The following CDH4 variants were observed in gnomAD, a reference collection of about 807,000 sequenced individuals.
CDH4 encodes cadherin-4.
A neutral mutation model predicts 86.0 loss-of-function variants in CDH4; 33 were observed. The observed-to-expected ratio is 0.38, with a 90% confidence interval of 0.29 to 0.51. CDH4 has a LOEUF of 0.51. CDH4 is among the 20% of genes least tolerant of loss of function. The pLI is 0.86. For synonymous variants in CDH4, 555 were observed against 549.4 expected, an observed-to-expected ratio of 1.01 and a Z score of -0.14; for missense variants, 1,114 against 1,307.4, an observed-to-expected ratio of 0.85 and a Z score of 2.28.
intron 2 of CDH4, among the ~76,000 whole-genome samples, chr20:61,542,604 T>C (rs1308766387): frequency 6.6e-6 from 1 of 152,202 alleles, no homozygotes; most frequent in Non-Finnish European, 1.5e-5. Context: ...TATTGGGGAA[T>C]TTTTTTAAGT....
At chr20:61,675,909 G>A (rs2145851213) in intron 2 of CDH4, among the ~76,000 whole-genome samples, 1 of 152,352 alleles carries the variant, frequency 6.6e-6, no homozygotes, top group East Asian at 1.9e-4. Flanking sequence ...CTTTCCAAAA[G>A]GCCCACCTGC....
At chr20:61,646,993 G>A (rs985902253) in intron 2 of CDH4, among the ~76,000 whole-genome samples, 3 of 152,228 alleles carry the variant, frequency 2.0e-5, no homozygotes, top group Middle Eastern at 3.2e-3. Flanking sequence ...GTGGGCTCTC[G>A]AGCGTTTGCC....
chr20:61,915,603 G>A (rs2054896407), intron 9 of CDH4, among the ~76,000 whole-genome samples: 1 of 152,230 alleles, frequency 6.6e-6, no homozygotes, highest in African/African-American at 2.4e-5. Flanking sequence ...GACACGCGAT[G>A]GGTCTCCAGT....
intron 2 of CDH4, among the ~76,000 whole-genome samples, chr20:61,469,709 T>C (rs2085491845): frequency 6.6e-6 from 1 of 152,260 alleles, no homozygotes; most frequent in Admixed American, 6.5e-5. Flanking sequence ...GATTTAAGTC[T>C]TTAATCTATT....
In CDH4 at chr20:61,894,944, C is replaced by T. The variant is rs2122870773; in HGVS notation, c.1085C>T (p.Thr362Ile). The T allele has an allele frequency of 6.2e-7, 1 of 1,613,894 alleles. No homozygotes were observed. The highest frequency in any genetic ancestry group is 8.5e-7 in the Non-Finnish European group (1 of 1,179,938). The change falls in exon 8 of 16, where the codon ACA (threonine) becomes ATA (isoleucine). Residue 362 changes from threonine (T) to isoleucine (I), a missense_variant. By Grantham distance (89) the Thr-to-Ile change is moderately conservative. Coordinates refer to ENST00000614565, the MANE Select transcript of CDH4 (RefSeq NM_001794.5). ...VQQYTVIVQA[T>I]DMEGNLNYGL... Reference sequence around the variant, plus strand: ...CAGTACACAGTCATCGTTCAGGCCACAGATATGGAAGGAAATCTCAACTAT... The same window carrying T: ...CAGTACACAGTCATCGTTCAGGCCATAGATATGGAAGGAAATCTCAACTAT...
Position 61,516,645 on chromosome 20 carries a change from C to T in CDH4, c.170-226918C>T, listed in dbSNP as rs1224237065. Reference sequence around the variant, plus strand: ...GCTGAGCTATTTTAAAGCAAAGTATCAGACCCTCAGAGAGGCCGGATTGAT... The same window carrying T: ...GCTGAGCTATTTTAAAGCAAAGTATTAGACCCTCAGAGAGGCCGGATTGAT... On this transcript the variant is annotated intron_variant, in intron 2 of 15. Transcript: ENST00000614565. This position sits in a 1 kb window ranked among gnomAD's most constrained non-coding sequence, Gnocchi z 4.0. Among the ~76,000 whole-genome samples, 1 of 152,204 alleles carries T rather than the reference C, an allele frequency of 6.6e-6. No individual in the cohort carries two copies. The highest frequency in any genetic ancestry group is 1.5e-5 in the Non-Finnish European group (1 of 68,036).
intron 2 of CDH4, among the ~76,000 whole-genome samples, chr20:61,615,691 G>A (rs1252723367): frequency 3.3e-5 from 5 of 152,152 alleles, no homozygotes; most frequent in Non-Finnish European, 7.3e-5. Flanking sequence ...GTTCCCAAGA[G>A]ACATTGTCAT....
intron 4 of CDH4, among the ~76,000 whole-genome samples, chr20:61,819,537 C>T (rs1156230892): frequency 6.6e-6 from 1 of 152,254 alleles, no homozygotes; most frequent in Non-Finnish European, 1.5e-5. Flanking sequence ...CGGGCTGCAG[C>T]CCAGCACCCG....
intron 6 of CDH4, among the ~76,000 whole-genome samples, chr20:61,857,126 T>G (rs1327168455): frequency 6.6e-6 from 1 of 152,198 alleles, no homozygotes; most frequent in Non-Finnish European, 1.5e-5. Flanking sequence ...GCCCTGCCCC[T>G]GCCCCCATAC....
chr20:61,468,014 A>G (rs975093976), intron 2 of CDH4, among the ~76,000 whole-genome samples: 2 of 152,208 alleles, frequency 1.3e-5, no homozygotes, highest in South Asian at 4.2e-4. Flanking sequence ...TGGAATCAAG[A>G]AAGTGTTATT....
chr20:61,784,646 C>T (rs866110769), intron 4 of CDH4, among the ~76,000 whole-genome samples: 19 of 63,932 alleles, frequency 3.0e-4, no homozygotes, highest in Non-Finnish European at 4.5e-4. Context: ...CCCAGTTCCT[C>T]GGGACAGTTC....
intron 7 of CDH4, among the ~76,000 whole-genome samples, chr20:61,890,420 G>A (rs1266335932): frequency 6.6e-6 from 1 of 151,528 alleles, no homozygotes; most frequent in African/African-American, 2.4e-5. Flanking sequence ...ATGGATGATG[G>A]ATGGATAGAT....
intron 2 of CDH4, among the ~76,000 whole-genome samples, chr20:61,565,257 ATGGTGGT>A (rs2086273944): frequency 6.7e-5 from 1 of 14,892 alleles, no homozygotes; most frequent in Non-Finnish European, 1.1e-4. Context: ...GCTCTTGGTG[ATGGTGGT>A]GGTGGTCCTC....
At position 61,582,044 on chromosome 20, in the gene CDH4, G is replaced by A. The variant is rs2086433378; in HGVS notation, c.170-161519G>A. 6.6e-6 allele frequency among the ~76,000 whole-genome samples: 1 copy of A among 152,202 alleles called. No individual in the cohort carries two copies. Among genetic ancestry groups the A allele is most frequent in the African/African-American group, 2.4e-5 (1 of 41,464 alleles). Reference sequence around the variant, plus strand: ...TCCTCAGGGCAGCCTGTGGGAAGAGGGTGCTCCCAGCCCTCCAGCCTGGCT... The same window carrying A: ...TCCTCAGGGCAGCCTGTGGGAAGAGAGTGCTCCCAGCCCTCCAGCCTGGCT... On this transcript the variant is annotated intron_variant, in intron 2 of 15. Coordinates refer to ENST00000614565, the MANE Select transcript of CDH4 (RefSeq NM_001794.5). The surrounding 1 kb of genome is among the most constrained non-coding windows in gnomAD (Gnocchi z 4.2).
intron 2 of CDH4, among the ~76,000 whole-genome samples, chr20:61,535,845 C>T (rs1170908137): frequency 6.6e-6 from 1 of 152,170 alleles, no homozygotes; most frequent in East Asian, 1.9e-4. Flanking sequence ...CATTCGAACC[C>T]CCTGTTCCCG....
At chr20:61,599,187 A>T (rs755705495) in intron 2 of CDH4, among the ~76,000 whole-genome samples, 12 of 152,028 alleles carry the variant, frequency 7.9e-5, no homozygotes, top group Non-Finnish European at 1.5e-4. Flanking sequence ...CTTCGTTTCC[A>T]TGTCCTGCTG....
intron 4 of CDH4, among the ~76,000 whole-genome samples, chr20:61,786,454 C>T (rs1054347998): frequency 1.3e-5 from 2 of 152,144 alleles, no homozygotes; most frequent in Admixed American, 6.6e-5. Flanking sequence ...TCATTTTGGA[C>T]TCTACTGCCC....
intron 2 of CDH4, among the ~76,000 whole-genome samples, chr20:61,728,593 C>T (rs2088142097): frequency 6.6e-6 from 1 of 152,240 alleles, no homozygotes. Flanking sequence ...ACCTGTACCT[C>T]AGTTTCCTCT....
rs2084269488 is a variant in CDH4, at chr20:61,282,945, GGC to G, written c.169+28010_169+28011del. On this transcript the variant is annotated intron_variant, in intron 2 of 15. Transcript: ENST00000614565. ...ACGTGCATTTGCACGCGTGTGCTGT[GGC>G]GTGTGATGTACGTGCGTTTGCACGC... Among the ~76,000 whole-genome samples, 2 of 8,636 alleles carry G rather than the reference GGC, an allele frequency of 2.3e-4. 1 individual carries two copies. Among genetic ancestry groups the G allele is most frequent in the Non-Finnish European group, 6.7e-4 (2 of 2,990 alleles). 5.7% of individuals were successfully genotyped at this position (8,636 alleles called of 152,430 possible).
Sources: allele counts gnomAD v4.1 joint callset (sites outside exome capture counted in the v4.1 genomes callset), GRCh38; gene constraint gnomAD v4.1.1; non-coding constraint Gnocchi (gnomAD v3.1); transcripts MANE v1.5; gene names NCBI Gene and HGNC (gene_info 2026-07-23, HGNC 2026-07-21).